The following ADCY8 variants were observed in gnomAD, a reference collection of about 807,000 sequenced individuals.
ADCY8 encodes the protein adenylate cyclase type 8.
Under a neutral mutation model 119.7 loss-of-function variants are expected in ADCY8, and 51 were observed. The ratio of observed to expected loss-of-function variants is 0.43; its 90% CI spans 0.34 to 0.54. ADCY8 has a LOEUF of 0.54. Among genes scored for constraint, ADCY8 ranks in the 20% least tolerant of loss-of-function variants. The pLI is 0.03. For synonymous variants in ADCY8, 665 were observed against 651.0 expected (o/e 1.02, Z -0.33); for missense variants, 1,383 against 1,598.8 (o/e 0.87, Z 2.30).
chr8:130,916,896 A>G (rs954366809), intron 5 of ADCY8, among the ~76,000 whole-genome samples: 5 of 152,136 alleles, frequency 3.3e-5, no homozygotes, highest in Non-Finnish European at 7.4e-5. Context: ...CTGATTTCCC[A>G]CTTCACACCT....
At chr8:131,032,588 C>T (rs575681595) in intron 1 of ADCY8, among the ~76,000 whole-genome samples, 4 of 152,126 alleles carry the variant, frequency 2.6e-5, no homozygotes, top group African/African-American at 9.6e-5. Context: ...CAGAATGTGC[C>T]TGGGCCTCCT....
At chr8:131,030,768 T>C (rs1774459110) in intron 1 of ADCY8, among the ~76,000 whole-genome samples, 1 of 152,250 alleles carries the variant, frequency 6.6e-6, no homozygotes, top group South Asian at 2.1e-4. Context: ...CCACCTTTCA[T>C]TCTAATGCAA....
At chr8:130,803,241 T>C (rs1188249712) in intron 14 of ADCY8, among the ~76,000 whole-genome samples, 1 of 152,230 alleles carries the variant, frequency 6.6e-6, no homozygotes, top group Non-Finnish European at 1.5e-5. Context: ...AGGCTAACTC[T>C]TGTTTTCTGC....
chr8:130,979,924 A>T (rs1461181700), intron 2 of ADCY8, among the ~76,000 whole-genome samples: 1 of 152,214 alleles, frequency 6.6e-6, no homozygotes, highest in Middle Eastern at 3.2e-3. Context: ...AAGCTGGCAT[A>T]AAAAATTACC....
chr8:130,845,274 A>G (rs1177266224), intron 11 of ADCY8, among the ~76,000 whole-genome samples: 1 of 152,170 alleles, frequency 6.6e-6, no homozygotes, highest in African/African-American at 2.4e-5. Flanking sequence ...ATTAATTCAA[A>G]GTGATGTGTG....
intron 17 of ADCY8, among the ~76,000 whole-genome samples, chr8:130,783,208 C>T (rs16904355): frequency 0.038 from 5,744 of 152,232 alleles, 379 homozygotes; most frequent in African/African-American, 0.13. Flanking sequence ...AAAGAAATGG[C>T]GAGCTTTGTG....
At chr8:130,972,657 C>G (rs753879665) in intron 2 of ADCY8, among the ~76,000 whole-genome samples, 6 of 152,042 alleles carry the variant, frequency 3.9e-5, no homozygotes, top group African/African-American at 1.5e-4. Flanking sequence ...ATTTATAAAC[C>G]TGTTTTGTTC....
At chr8:130,898,974 A>G (rs796384831) in intron 7 of ADCY8, among the ~76,000 whole-genome samples, 3 of 152,294 alleles carry the variant, frequency 2.0e-5, no homozygotes, top group African/African-American at 7.2e-5. Context: ...AATAAAATAC[A>G]TCAACAAAGC....
Position 130,888,940 on chromosome 8 carries a change from G to A in ADCY8, c.1912-4179C>T, listed in dbSNP as rs780988748. On this transcript the variant is annotated intron_variant, in intron 7 of 17. Transcript: ENST00000286355. ...CCCAGCAAGACTGCAGGCTGAAGGT[G>A]TACTGTCTAGAAACATCCAGTTTTG... is the stretch of plus-strand genomic sequence containing the variant. 2.5e-4 allele frequency among the ~76,000 whole-genome samples: 38 copies of A among 152,090 alleles called. 1 individual carries two copies. The highest frequency in any genetic ancestry group is 3.7e-4 in the Non-Finnish European group (25 of 67,988).
chr8:130,910,456 C>T (rs528739064), intron 5 of ADCY8, among the ~76,000 whole-genome samples: 2 of 152,250 alleles, frequency 1.3e-5, no homozygotes, highest in African/African-American at 4.8e-5. Context: ...GGATCCCTGC[C>T]TCAGCCTTAC....
intron 7 of ADCY8, 152 bp downstream of exon 7, chr8:130,903,620 T>A: frequency 1.1e-6 from 1 of 896,336 alleles, no homozygotes; most frequent in East Asian, 2.6e-5. Context: ...AATTCTGTCC[T>A]GAGGAGACAG....
At chr8:130,955,410 C>A (rs1374091853) in intron 2 of ADCY8, among the ~76,000 whole-genome samples, 1 of 152,072 alleles carries the variant, frequency 6.6e-6, no homozygotes, top group Non-Finnish European at 1.5e-5. Flanking sequence ...GAAGCTTCCC[C>A]TTCACCTTAT....
At chr8:130,873,885 G>A (rs527677668) in intron 8 of ADCY8, among the ~76,000 whole-genome samples, 1 of 152,206 alleles carries the variant, frequency 6.6e-6, no homozygotes, top group East Asian at 1.9e-4. Flanking sequence ...TATTAATATA[G>A]TTGTAAAAGA....
chr8:130,871,241 T>A (rs1818343349), intron 8 of ADCY8, among the ~76,000 whole-genome samples: 1 of 152,232 alleles, frequency 6.6e-6, no homozygotes, highest in African/African-American at 2.4e-5. Flanking sequence ...GTTAGTTGTG[T>A]GCTTATTGCC....
chr8:130,836,443 C>T lies in ADCY8; in HGVS notation c.2509G>A (p.Val837Ile), dbSNP rs748644836. 3.3e-5 allele frequency: 53 copies of T among 1,613,054 alleles called. No homozygotes were observed. The highest frequency in any genetic ancestry group is 4.4e-5 in the Non-Finnish European group (52 of 1,179,538). The change falls in exon 12 of 18, where the codon GTC (valine) becomes ATC (isoleucine). Residue 837 changes from valine (V) to isoleucine (I), a missense_variant. By Grantham distance (29) the Val-to-Ile change is conservative (BLOSUM62 3). Coordinates refer to ENST00000286355, the MANE Select transcript of ADCY8 (RefSeq NM_001115.3). ...ACCATGGCCAACACCCCCGTGAAGACAAAGTACTGGAAACAGAGAATGCAG... is the reference window on the plus strand; with the variant it reads ...ACCATGGCCAACACCCCCGTGAAGATAAAGTACTGGAAACAGAGAATGCAG... ...TDICSYPEYF[V>I]FTGVLAMVTC...
chr8:130,799,086 C>G (rs34890820), intron 15 of ADCY8, among the ~76,000 whole-genome samples: 25,824 of 151,934 alleles, frequency 0.17, 2,423 homozygotes, highest in East Asian at 0.32. Context: ...CTAAAAACGT[C>G]AAACTCAGAA....
chr8:130,994,406 C>T (rs963618057), intron 1 of ADCY8, among the ~76,000 whole-genome samples: 2 of 152,184 alleles, frequency 1.3e-5, no homozygotes, highest in Non-Finnish European at 2.9e-5. Context: ...GACGTTTGTC[C>T]TTACTTCAAT....
chr8:130,991,211 G>GTT (rs891158605), intron 1 of ADCY8, among the ~76,000 whole-genome samples: 2 of 152,166 alleles, frequency 1.3e-5, no homozygotes, highest in African/African-American at 4.8e-5. Context: ...TTGAAAAGGG[G>GTT]TCAACACATG....
intron 1 of ADCY8, among the ~76,000 whole-genome samples, chr8:131,010,095 A>G (rs1287996494): frequency 6.6e-6 from 1 of 152,244 alleles, no homozygotes; most frequent in Non-Finnish European, 1.5e-5. Context: ...TTGCCCAAGA[A>G]TTACATATTT....
Sources: allele counts gnomAD v4.1 joint callset (sites outside exome capture counted in the v4.1 genomes callset), GRCh38; gene constraint gnomAD v4.1.1; transcripts MANE v1.5; gene names NCBI Gene and HGNC (gene_info 2026-07-23, HGNC 2026-07-21).